Variants in SUN1 observed in about 807,000 individuals in gnomAD.
SUN1 encodes SUN domain-containing protein 1.
Under a neutral mutation model 103.2 loss-of-function variants are expected in SUN1, and 61 were observed. That is an observed-to-expected ratio of 0.59 (90% CI 0.48 to 0.73). The LOEUF is 0.73. Among genes scored for constraint, SUN1 ranks in the 30% least tolerant of loss-of-function variants. The pLI is 0.00. For synonymous variants in SUN1, 490 were observed against 425.7 expected, an observed-to-expected ratio of 1.15 and a Z score of -1.86; for missense variants, 1,052 against 1,034.6, an observed-to-expected ratio of 1.02 and a Z score of -0.23.
chr7:872,424 T>C, intron 17 of SUN1, 46 bp from the exon 18 acceptor site: 1 of 1,497,884 alleles, frequency 6.7e-7, no homozygotes, highest in South Asian at 1.2e-5. Flanking sequence ...CTCTGCTCAG[T>C]GTTATTTTTC....
upstream of SUN1, among the ~76,000 whole-genome samples, chr7:828,352 A>T (rs1794757717): frequency 6.6e-6 from 1 of 151,238 alleles, no homozygotes; most frequent in South Asian, 2.1e-4. Flanking sequence ...GCTCACTGCA[A>T]CCTCCATCTC....
At chr7:862,820 A>G (rs750238067) in intron 15 of SUN1, among the ~76,000 whole-genome samples, 9 of 152,332 alleles carry the variant, frequency 5.9e-5, no homozygotes, top group Non-Finnish European at 1.0e-4. Context: ...TCACATCTCA[A>G]TCAGCTACAT....
chr7:870,887 CTTTTTTTTTTTT>C (rs59711259), intron 17 of SUN1, among the ~76,000 whole-genome samples: 16,799 of 101,608 alleles, frequency 0.17, 1,405 homozygotes, highest in Admixed American at 0.22. Context: ...TATTTTCTTT[CTTTTTTTTTTTT>C]TTTTTTTTGA....
intron 1 of SUN1, among the ~76,000 whole-genome samples, chr7:819,874 A>G (rs1297945847): frequency 2.0e-5 from 3 of 152,066 alleles, no homozygotes; most frequent in African/African-American, 7.2e-5. Flanking sequence ...ACACACAGCT[A>G]ATTTTTGTAT....
chr7:836,560 G>T (rs575844015), intron 1 of SUN1, among the ~76,000 whole-genome samples: 1 of 152,304 alleles, frequency 6.6e-6, no homozygotes, highest in South Asian at 2.1e-4. Context: ...CTCATGTTCT[G>T]GTTTGAGTCT....
At chr7:870,599 A>G (rs1323843018) in intron 17 of SUN1, among the ~76,000 whole-genome samples, 1 of 151,766 alleles carries the variant, frequency 6.6e-6, no homozygotes, top group African/African-American at 2.4e-5. Context: ...AAAGGAAAGG[A>G]AAAAAAAGAG....
chr7:836,715 C>T (rs1803589148), intron 1 of SUN1, among the ~76,000 whole-genome samples: 1 of 152,214 alleles, frequency 6.6e-6, no homozygotes, highest in Non-Finnish European at 1.5e-5. Flanking sequence ...ATGTTACTGT[C>T]ATCCAGAAAT....
intron 6 of SUN1, 130 bp downstream of exon 6, chr7:851,612 C>A: frequency 1.2e-6 from 1 of 829,140 alleles, no homozygotes; most frequent in Non-Finnish European, 1.9e-6. Context: ...CGTAACGTGT[C>A]TCGTTCTTTA....
chr7:847,686 GGCGGCCTTCCCCTGGGGGTT>G (rs1817553347), intron 5 of SUN1, among the ~76,000 whole-genome samples: 1 of 11,752 alleles, frequency 8.5e-5, no homozygotes, highest in Admixed American at 4.7e-4. Context: ...CAGCGGAGTT[GGCGGCCTTCCCCTGGGGGTT>G]ACCCCGCAGT....
chr7:842,838 G>A (rs1811505763), intron 3 of SUN1: 1 of 402,588 alleles, frequency 2.5e-6, no homozygotes, highest in South Asian at 3.0e-5. Context: ...GTTTTGCTCA[G>A]CTAGTGAGAG....
At chr7:821,680 G>A (rs553235026) in intron 1 of SUN1, among the ~76,000 whole-genome samples, 2 of 152,284 alleles carry the variant, frequency 1.3e-5, no homozygotes, top group South Asian at 4.1e-4. Context: ...GCATCCTTCA[G>A]CGTTCAACCC....
chr7:817,577 A>G, intron 1 of SUN1: 1 of 1,501,290 alleles, frequency 6.7e-7, no homozygotes, highest in South Asian at 1.2e-5. Context: ...TCCGGGTGGG[A>G]AGCTGCCCAT....
chr7:869,151 C>A, intron 16 of SUN1, 198 bp from the exon 17 acceptor site: 29 of 621,592 alleles, frequency 4.7e-5, no homozygotes, highest in East Asian at 8.4e-5. Flanking sequence ...TTTTATACAA[C>A]ATATGGGTTG....
At chr7:850,926 A>G (rs1230427228) in intron 5 of SUN1, among the ~76,000 whole-genome samples, 3 of 152,208 alleles carry the variant, frequency 2.0e-5, no homozygotes, top group African/African-American at 7.2e-5. Flanking sequence ...ACTAGAAAAT[A>G]TTAGCCTTTA....
intron 1 of SUN1, among the ~76,000 whole-genome samples, chr7:826,305 G>GGGGTGGTTTGACAACCCTA (rs1791852842): frequency 2.6e-5 from 4 of 152,130 alleles, no homozygotes; most frequent in Non-Finnish European, 4.4e-5. Flanking sequence ...TGACAACCCT[G>GGGGTGGTTTGACAACCCTA]GTCTGGGGTG....
rs185715344 is a variant in SUN1 at position 857,547 on chromosome 7, A to G, written c.1395-281A>G. On this transcript the variant is annotated intron_variant, in intron 12 of 18. Transcript: ENST00000401592. The stretch of plus-strand genomic sequence containing the variant: ...TAAATCGTTTTCAGAGAGAGCTCTC[A>G]CTCGCCACTGAGAAACACTGCTAGC... 2.0e-5 allele frequency among the ~76,000 whole-genome samples: 3 copies of G among 152,282 alleles called. No homozygotes were observed. In the East Asian group the frequency reaches 5.8e-4, roughly 29 times the overall value.
At chr7:850,386 A>T (rs1457959736) in intron 5 of SUN1, 4 of 225,234 alleles carry the variant, frequency 1.8e-5, no homozygotes, top group African/African-American at 9.2e-5. Context: ...TTTTTAGTAG[A>T]GACAGGGTTT....
chr7:854,345 G>C (rs1209136315), intron 10 of SUN1, among the ~76,000 whole-genome samples: 1 of 152,264 alleles, frequency 6.6e-6, no homozygotes, highest in East Asian at 1.9e-4. Context: ...GCTCACGTTT[G>C]CGTCTGCACT....
chr7:852,685 G>C lies in SUN1; in HGVS notation c.910+18G>C, dbSNP rs1823365861. On this transcript the variant is annotated intron_variant, in intron 8 of 18. Coordinates refer to ENST00000401592, the MANE Select transcript of SUN1 (RefSeq NM_001130965.3). Reference sequence around the variant, plus strand: ...TTTACTAGGTAAGTCAAATCTGGCTGAGTTGCCTCCGATGGCTAAGCGGTA... The same window carrying C: ...TTTACTAGGTAAGTCAAATCTGGCTCAGTTGCCTCCGATGGCTAAGCGGTA... 1 of 1,614,200 alleles carries C rather than the reference G, an allele frequency of 6.2e-7. No individual in the cohort carries two copies. Among genetic ancestry groups the C allele is most frequent in the East Asian group, 2.2e-5 (1 of 44,886 alleles).
Sources: allele counts gnomAD v4.1 joint callset (sites outside exome capture counted in the v4.1 genomes callset), GRCh38; gene constraint gnomAD v4.1.1; transcripts MANE v1.5; gene names NCBI Gene and HGNC (gene_info 2026-07-23, HGNC 2026-07-21).